Variants in CTNNA3 observed in about 807,000 individuals in gnomAD.
The protein encoded by CTNNA3 is catenin alpha-3.
CTNNA3 carries 76 observed loss-of-function variants against 95.7 expected under a neutral mutation model. The ratio of observed to expected loss-of-function variants is 0.79; its 90% CI spans 0.66 to 0.96. The LOEUF (loss-of-function observed/expected upper bound fraction) is 0.96, where lower values mean the gene tolerates loss of function less well. Ranked by LOEUF, CTNNA3 falls within the 40% of genes least tolerant of loss-of-function variation. The pLI is 0.00. For missense variants in CTNNA3, 1,191 were observed against 1,089.8 expected (o/e 1.09, Z -1.31); for synonymous variants, 431 against 374.4 (o/e 1.15, Z -1.74).
intron 9 of CTNNA3, 87 bp downstream of exon 9, chr10:66,766,177 T>A (rs1839843138): frequency 1.4e-6 from 2 of 1,411,144 alleles, no homozygotes; most frequent in Non-Finnish European, 2.0e-6. Flanking sequence ...TGTCAAAAGT[T>A]TTTATTTAGG....
chr10:66,492,498 G>T (rs1361338558), intron 11 of CTNNA3, among the ~76,000 whole-genome samples: 1 of 151,170 alleles, frequency 6.6e-6, no homozygotes, highest in African/African-American at 2.4e-5. Context: ...ATGTTGCCCA[G>T]GTCACCATCT....
chr10:67,284,614 T>C (rs1021161193), intron 5 of CTNNA3, among the ~76,000 whole-genome samples: 1 of 152,218 alleles, frequency 6.6e-6, no homozygotes, highest in African/African-American at 2.4e-5. Flanking sequence ...TAAAAAGGTA[T>C]TTGATCAGGC....
chr10:66,618,647 T>C (rs1844622001), intron 10 of CTNNA3, among the ~76,000 whole-genome samples: 1 of 152,130 alleles, frequency 6.6e-6, no homozygotes, highest in Non-Finnish European at 1.5e-5. Context: ...GACATAGGCA[T>C]GGGCAAGGAC....
chr10:66,578,369 G>A (rs994179439), intron 10 of CTNNA3, among the ~76,000 whole-genome samples: 2 of 151,968 alleles, frequency 1.3e-5, no homozygotes, highest in African/African-American at 4.8e-5. Flanking sequence ...TAGGAATGGT[G>A]AGTGTGGGCA....
intron 11 of CTNNA3, among the ~76,000 whole-genome samples, chr10:66,436,355 C>T (rs2093337563): frequency 6.6e-6 from 1 of 152,138 alleles, no homozygotes; most frequent in African/African-American, 2.4e-5. Flanking sequence ...AATCTGGATG[C>T]TCCTGTATTG....
At chr10:67,193,326 A>C (rs557718323) in intron 6 of CTNNA3, among the ~76,000 whole-genome samples, 17 of 152,166 alleles carry the variant, frequency 1.1e-4, no homozygotes, top group African/African-American at 3.8e-4. Flanking sequence ...AATTGTTTTA[A>C]TTCAAATTTT....
rs145169202 is a variant in CTNNA3 at position 66,516,164 on chromosome 10, C to A, written c.1531+4453G>T. On this transcript the variant is annotated intron_variant, in intron 11 of 17. Transcript: ENST00000433211. The stretch of plus-strand genomic sequence containing the variant: ...AAAGATCTAGAGGGCCAGCTAGATT[C>A]TTTCTCTTTTGTTTGACTGGGAAAA... Among the ~76,000 whole-genome samples the A allele has an allele frequency of 2.3e-3, 352 of 151,058 alleles. 3 individuals are homozygous for A. The highest frequency in any genetic ancestry group is 8.2e-3 in the African/African-American group (339 of 41,170).
intron 3 of CTNNA3, among the ~76,000 whole-genome samples, chr10:67,564,032 A>T (rs10997718): frequency 0.16 from 23,555 of 146,236 alleles, 5,132 homozygotes; most frequent in African/African-American, 0.48. Context: ...GGAACACTTT[A>T]ACACTGTTGG....
At chr10:66,834,658 T>C (rs1842830724) in intron 7 of CTNNA3, among the ~76,000 whole-genome samples, 1 of 152,196 alleles carries the variant, frequency 6.6e-6, no homozygotes, top group South Asian at 2.1e-4. Flanking sequence ...GAACCACTCA[T>C]ATTCAAATGC....
chr10:66,093,995 CA>C (rs1325456405), intron 14 of CTNNA3, among the ~76,000 whole-genome samples: 2 of 151,942 alleles, frequency 1.3e-5, no homozygotes, highest in East Asian at 1.9e-4. Context: ...TAGAATTTAG[CA>C]GGGAGAAAAA....
At chr10:66,778,198 C>T (rs979918401) in intron 7 of CTNNA3, among the ~76,000 whole-genome samples, 9 of 152,126 alleles carry the variant, frequency 5.9e-5, no homozygotes, top group East Asian at 1.9e-4. Flanking sequence ...TTTTCACCTC[C>T]GGCTTTTTAT....
At chr10:66,256,437 G>T (rs985876398) in intron 13 of CTNNA3, among the ~76,000 whole-genome samples, 1 of 152,118 alleles carries the variant, frequency 6.6e-6, no homozygotes, top group Non-Finnish European at 1.5e-5. Context: ...TAAAAAAGGT[G>T]CTTGGGGCGC....
Position 66,927,062 on chromosome 10 carries a change from C to A in CTNNA3, c.1048-151538G>T. 6.2e-7 allele frequency: 1 copy of A among 1,614,136 alleles called. No individual in the cohort carries two copies. Among genetic ancestry groups the A allele is most frequent in the South Asian group, 1.1e-5 (1 of 91,080 alleles). On this transcript the variant is annotated intron_variant, in intron 7 of 17. Coordinates refer to ENST00000433211, the MANE Select transcript of CTNNA3 (RefSeq NM_013266.4). This position sits in a 1 kb window ranked among gnomAD's most constrained non-coding sequence, Gnocchi z 4.7. Reference sequence around the variant, plus strand: ...GAAGGCAAAATGGTATATTGTGAATCTCAGAAATTACAGGAGATACCCTCA... The same window carrying A: ...GAAGGCAAAATGGTATATTGTGAATATCAGAAATTACAGGAGATACCCTCA...
chr10:67,054,958 A>G (rs1296305273), intron 7 of CTNNA3: 2 of 152,142 alleles, frequency 1.3e-5, no homozygotes, highest in Non-Finnish European at 2.9e-5. Flanking sequence ...CAACCCCCTT[A>G]GTTTATACAA....
intron 7 of CTNNA3, among the ~76,000 whole-genome samples, chr10:67,116,983 G>A (rs991137774): frequency 2.0e-5 from 3 of 151,558 alleles, no homozygotes; most frequent in Admixed American, 1.3e-4. Flanking sequence ...AAATAAATTA[G>A]ATATAGCTGA....
At chr10:67,671,947 A>G (rs1437799152) in intron 1 of CTNNA3, among the ~76,000 whole-genome samples, 3 of 152,064 alleles carry the variant, frequency 2.0e-5, no homozygotes, top group Admixed American at 2.0e-4. Context: ...TGACTTCCAC[A>G]ATGGTTGAAC....
At chr10:66,099,834 T>G (rs1239280995) in intron 14 of CTNNA3, among the ~76,000 whole-genome samples, 1 of 152,130 alleles carries the variant, frequency 6.6e-6, no homozygotes, top group Non-Finnish European at 1.5e-5. Flanking sequence ...CTGTTTGTTT[T>G]TTAGTAAAGG....
chr10:65,934,131 C>A (rs532469561), intron 17 of CTNNA3, among the ~76,000 whole-genome samples: 31 of 152,236 alleles, frequency 2.0e-4, no homozygotes, highest in African/African-American at 7.2e-4. Flanking sequence ...TAACCATAAT[C>A]TGGACTTCTT....
At chr10:66,687,722 C>A (rs1847350859) in intron 9 of CTNNA3, among the ~76,000 whole-genome samples, 1 of 105,398 alleles carries the variant, frequency 9.5e-6, no homozygotes, top group Non-Finnish European at 1.9e-5. Context: ...TATATATACA[C>A]ACACACACAC....
Sources: gnomAD v4.1 joint callset for allele counts (sites outside exome capture counted in the v4.1 genomes callset) on GRCh38, gnomAD v4.1.1 for gene constraint, Gnocchi (gnomAD v3.1) non-coding constraint, MANE v1.5 for transcripts, NCBI Gene and HGNC (gene_info 2026-07-23, HGNC 2026-07-21) for gene names.